The following EIF4G3 variants were observed in gnomAD, a reference collection of about 807,000 sequenced individuals.
EIF4G3 encodes eukaryotic translation initiation factor 4 gamma 3, also known as eIF-4-gamma 3.
EIF4G3 carries 34 observed loss-of-function variants against 186.4 expected under a neutral mutation model. That is an observed-to-expected ratio of 0.18 (90% CI 0.14 to 0.24). The LOEUF (loss-of-function observed/expected upper bound fraction) is 0.24. Ranked by LOEUF, EIF4G3 falls within the 10% of genes least tolerant of loss-of-function variation. The pLI is 1.00. For missense variants in EIF4G3, 1,536 were observed against 1,948.5 expected, an observed-to-expected ratio of 0.79 and a Z score of 3.99; for synonymous variants, 673 against 679.5, an observed-to-expected ratio of 0.99 and a Z score of 0.15.
At chr1:21,112,995 T>C (rs947224771) in intron 2 of EIF4G3, among the ~76,000 whole-genome samples, 3 of 151,826 alleles carry the variant, frequency 2.0e-5, no homozygotes, top group Non-Finnish European at 4.4e-5. Context: ...CAGAAACATA[T>C]AAATATTTAG....
chr1:21,152,450 A>G (rs988222805), intron 2 of EIF4G3, among the ~76,000 whole-genome samples: 4 of 151,284 alleles, frequency 2.6e-5, no homozygotes, highest in Admixed American at 1.3e-4. Context: ...ACTTGCTAAC[A>G]CTAAAAAAAA....
chr1:21,159,934 C>T (rs1306216017), intron 2 of EIF4G3, among the ~76,000 whole-genome samples: 1 of 151,982 alleles, frequency 6.6e-6, no homozygotes, highest in African/African-American at 2.4e-5. Context: ...GGTGAAACCC[C>T]GTCTATACAA....
intron 4 of EIF4G3, among the ~76,000 whole-genome samples, chr1:21,023,403 C>T (rs950172395): frequency 1.3e-5 from 2 of 150,358 alleles, no homozygotes; most frequent in African/African-American, 2.4e-5. Flanking sequence ...CGAGTGCCTG[C>T]GATTGCAGGC....
At chr1:20,919,444 A>G (rs1034335108) in intron 14 of EIF4G3, among the ~76,000 whole-genome samples, 2 of 152,150 alleles carry the variant, frequency 1.3e-5, no homozygotes, top group Admixed American at 6.6e-5. Context: ...GGCTCAACCA[A>G]TCCACCCAAC....
At chr1:20,969,665 T>A (rs936572932) in intron 11 of EIF4G3, 69 bp from the exon 12 acceptor site, 28 of 1,516,824 alleles carry the variant, frequency 1.8e-5, no homozygotes, top group Non-Finnish European at 2.5e-5. Context: ...GGCATATAAG[T>A]GAGTTAAAGG....
intron 2 of EIF4G3, among the ~76,000 whole-genome samples, chr1:21,170,963 G>A (rs1028854492): frequency 2.7e-5 from 4 of 149,856 alleles, no homozygotes; most frequent in African/African-American, 9.9e-5. Flanking sequence ...CTGGGTGACA[G>A]AGCAAGTCCC....
chr1:21,046,444 G>C (rs1571620734), intron 4 of EIF4G3, among the ~76,000 whole-genome samples: 1 of 152,212 alleles, frequency 6.6e-6, no homozygotes, highest in Non-Finnish European at 1.5e-5. Flanking sequence ...CAGGTAATGA[G>C]ATTGCAGAGG....
chr1:21,077,844 C>G (rs1054696236), intron 3 of EIF4G3, among the ~76,000 whole-genome samples: 1 of 148,936 alleles, frequency 6.7e-6, no homozygotes, highest in African/African-American at 2.5e-5. Flanking sequence ...CACATCATTG[C>G]ACTCCAGCCA....
chr1:20,843,700 A>G (rs994019405), intron 29 of EIF4G3, among the ~76,000 whole-genome samples: 1 of 152,156 alleles, frequency 6.6e-6, no homozygotes, highest in Non-Finnish European at 1.5e-5. Flanking sequence ...GCTTTGCTAC[A>G]TAGGTAAATG....
intron 19 of EIF4G3, among the ~76,000 whole-genome samples, chr1:20,883,341 G>A (rs545923549): frequency 7.2e-5 from 11 of 152,220 alleles, no homozygotes; most frequent in South Asian, 2.1e-4. Context: ...AATGAGGGCC[G>A]GGGGTGGTGG....
intron 4 of EIF4G3, among the ~76,000 whole-genome samples, chr1:21,045,721 A>G (rs919635929): frequency 6.6e-6 from 1 of 152,164 alleles, no homozygotes; most frequent in African/African-American, 2.4e-5. Context: ...TGCATCACCA[A>G]TTAAGCAATA....
At chr1:21,072,677 C>G (rs1042423956) in intron 3 of EIF4G3, among the ~76,000 whole-genome samples, 1 of 152,202 alleles carries the variant, frequency 6.6e-6, no homozygotes, top group Non-Finnish European at 1.5e-5. Flanking sequence ...GCTGGGATTA[C>G]AGGCGTGAGC....
At chr1:20,923,809 CTATATATATATA>C (rs10587649) in intron 14 of EIF4G3, among the ~76,000 whole-genome samples, 1 of 143,882 alleles carries the variant, frequency 7.0e-6, no homozygotes, top group Non-Finnish European at 1.5e-5. Context: ...TTACCCATCC[CTATATATATATA>C]TATATATATA....
intron 16 of EIF4G3, among the ~76,000 whole-genome samples, chr1:20,896,907 A>C (rs1211033526): frequency 2.0e-5 from 3 of 152,248 alleles, no homozygotes; most frequent in Middle Eastern, 3.2e-3. Context: ...GCCTAAGAGC[A>C]GTAGGCTACA....
At chr1:21,100,744 T>C (rs1042949503) in intron 2 of EIF4G3, among the ~76,000 whole-genome samples, 2 of 147,254 alleles carry the variant, frequency 1.4e-5, no homozygotes, top group Non-Finnish European at 3.0e-5. Flanking sequence ...TAGTATGGCT[T>C]ATCCTGCGAA....
In EIF4G3 at chr1:20,851,399, C is replaced by A; in HGVS notation, c.3631G>T (p.Gly1211Cys). 1 of 1,614,110 alleles carries A rather than the reference C, an allele frequency of 6.2e-7. No homozygotes were observed. The highest frequency in any genetic ancestry group is 8.5e-7 in the Non-Finnish European group (1 of 1,180,024). Reference sequence around the variant, plus strand: ...TTGTCTAGCAGGTCTTTACTGCTGCCACCCCTCATGAAAGTATTTGGCCGA... The same window carrying A: ...TTGTCTAGCAGGTCTTTACTGCTGCAACCCCTCATGAAAGTATTTGGCCGA... ...TARPNTFMRG[G>C]SSKDLLDNQS... Residue 1211 changes from glycine to cysteine, a missense_variant, in exon 28 of 37, where the codon GGC becomes TGC. By Grantham distance (159) the Gly-to-Cys change is radical. Around this residue, in one of 11 missense-constraint regions of EIF4G3, gnomAD observed 395 missense variants for 498.9 expected, o/e 0.79. Transcript: ENST00000602326.
intron 12 of EIF4G3, 75 bp downstream of exon 12, chr1:20,969,399 G>T: frequency 1.3e-6 from 2 of 1,535,858 alleles, no homozygotes; most frequent in Admixed American, 3.6e-5. Context: ...ACAGAAAGTG[G>T]CTATAGAAGA....
At chr1:21,004,959 C>T (rs1570782304) in intron 4 of EIF4G3, among the ~76,000 whole-genome samples, 1 of 152,082 alleles carries the variant, frequency 6.6e-6, no homozygotes, top group African/African-American at 2.4e-5. Flanking sequence ...TCTACTAAAT[C>T]TAGCCACTAA....
chr1:21,134,326 T>C (rs1467599495), intron 2 of EIF4G3, among the ~76,000 whole-genome samples: 1 of 152,032 alleles, frequency 6.6e-6, no homozygotes, highest in Non-Finnish European at 1.5e-5. Flanking sequence ...TCAGCTGAAA[T>C]AAAAAGACAC....
Sources: allele counts gnomAD v4.1 joint callset (sites outside exome capture counted in the v4.1 genomes callset), GRCh38; gene constraint gnomAD v4.1.1; regional missense constraint gnomAD v4.1.1; transcripts MANE v1.5; gene names NCBI Gene and HGNC (gene_info 2026-07-23, HGNC 2026-07-21).